Variants in PTPRR observed in about 807,000 individuals in gnomAD.
PTPRR encodes receptor-type tyrosine-protein phosphatase R.
Under a neutral mutation model 77.2 loss-of-function variants are expected in PTPRR, and 38 were observed. The observed-to-expected ratio is 0.49, with a 90% CI of 0.38 to 0.65. The LOEUF is 0.65. Among genes scored for constraint, PTPRR ranks in the 30% least tolerant of loss-of-function variants. The pLI is 0.00. For synonymous variants in PTPRR, 299 were observed against 283.1 expected (o/e 1.06, Z -0.57); for missense variants, 744 against 799.2 (o/e 0.93, Z 0.83).
chr12:70,829,036 C>T lies in PTPRR; in HGVS notation c.357+63643G>A, dbSNP rs1470517387. 3.3e-5 allele frequency among the ~76,000 whole-genome samples: 5 copies of T among 151,892 alleles called. No homozygotes were observed. The East Asian group carries it at 9.6e-4, about 29-fold the overall frequency. On this transcript the variant is annotated intron_variant, in intron 2 of 13. Coordinates refer to ENST00000283228, the MANE Select transcript of PTPRR (RefSeq NM_002849.4). The stretch of plus-strand genomic sequence containing the variant: ...GTACTCTAAACCTATGAATATAGTC[C>T]ACAGAGACTGTGGACTGTGATGGAG...
At chr12:70,683,485 T>C (rs943175562) in intron 10 of PTPRR, among the ~76,000 whole-genome samples, 2 of 152,126 alleles carry the variant, frequency 1.3e-5, no homozygotes, top group Non-Finnish European at 2.9e-5. Flanking sequence ...AGTTGATTGG[T>C]TTCTGTAACT....
intron 2 of PTPRR, among the ~76,000 whole-genome samples, chr12:70,811,940 C>T (rs1282057874): frequency 2.6e-5 from 4 of 152,178 alleles, no homozygotes; most frequent in Admixed American, 6.5e-5. Context: ...CTAGCACTGA[C>T]TGATAGTCAC....
intron 2 of PTPRR, among the ~76,000 whole-genome samples, chr12:70,835,243 T>C (rs942545308): frequency 6.6e-5 from 10 of 152,168 alleles, no homozygotes; most frequent in African/African-American, 2.4e-4. Flanking sequence ...ATGCCCTTTG[T>C]ATACTTAAAA....
At chr12:70,652,553 G>T (rs149151978) in intron 13 of PTPRR, among the ~76,000 whole-genome samples, 54 of 152,316 alleles carry the variant, frequency 3.5e-4, no homozygotes, top group African/African-American at 1.3e-3. Flanking sequence ...GAAGAAATCA[G>T]AATGATTTTG....
At chr12:70,899,272 A>G (rs891643846) in intron 1 of PTPRR, among the ~76,000 whole-genome samples, 4 of 151,470 alleles carry the variant, frequency 2.6e-5, no homozygotes, top group Non-Finnish European at 5.9e-5. Context: ...TCCTAAAAAA[A>G]AACACTATAG....
intron 2 of PTPRR, among the ~76,000 whole-genome samples, chr12:70,823,061 A>G (rs1311135943): frequency 7.0e-6 from 1 of 143,200 alleles, no homozygotes; most frequent in Non-Finnish European, 1.5e-5. Flanking sequence ...CAGCAACACA[A>G]AGTTCTCTCT....
chr12:70,808,111 G>C, intron 2 of PTPRR, among the ~76,000 whole-genome samples: 1 of 152,068 alleles, frequency 6.6e-6, no homozygotes, highest in Non-Finnish European at 1.5e-5. Flanking sequence ...GCCACCCTGG[G>C]AGTGTCTGCT....
chr12:70,672,894 G>A (rs1273696496), intron 10 of PTPRR: 3 of 1,550,540 alleles, frequency 1.9e-6, no homozygotes, highest in African/African-American at 2.7e-5. Flanking sequence ...CATAGGATGG[G>A]GGCATCTGCT....
intron 2 of PTPRR, among the ~76,000 whole-genome samples, chr12:70,798,007 T>C (rs1009479429): frequency 6.6e-6 from 1 of 152,220 alleles, no homozygotes; most frequent in Non-Finnish European, 1.5e-5. Context: ...CTGAGTTCCA[T>C]AGACTTTTAT....
At chr12:70,880,472 C>A (rs1282126743) in intron 2 of PTPRR, among the ~76,000 whole-genome samples, 3 of 152,062 alleles carry the variant, frequency 2.0e-5, no homozygotes, top group Non-Finnish European at 4.4e-5. Flanking sequence ...GTAAGGTAGT[C>A]CCCACTATTT....
chr12:70,666,908 C>T (rs531395468), intron 10 of PTPRR, among the ~76,000 whole-genome samples: 3 of 129,428 alleles, frequency 2.3e-5, no homozygotes, highest in Admixed American at 2.3e-4. Context: ...TCACATTGAC[C>T]ATTTTTGATT....
intron 6 of PTPRR, among the ~76,000 whole-genome samples, chr12:70,717,367 T>G (rs1032372432): frequency 2.0e-5 from 3 of 152,206 alleles, no homozygotes; most frequent in African/African-American, 4.8e-5. Context: ...TCTGTCATCT[T>G]AGCATATTAA....
At chr12:70,846,665 G>GC (rs1892488748) in intron 2 of PTPRR, among the ~76,000 whole-genome samples, 1 of 151,958 alleles carries the variant, frequency 6.6e-6, no homozygotes, top group Non-Finnish European at 1.5e-5. Context: ...GGGCTTGTTT[G>GC]CCCCCTTCCA....
intron 6 of PTPRR, among the ~76,000 whole-genome samples, chr12:70,713,452 CTT>C (rs1309435694): frequency 6.6e-6 from 1 of 151,988 alleles, no homozygotes; most frequent in Non-Finnish European, 1.5e-5. Context: ...CTACATTTAA[CTT>C]TTTGAGAAAC....
At chr12:70,806,152 C>G (rs574524494) in intron 2 of PTPRR, among the ~76,000 whole-genome samples, 6 of 152,266 alleles carry the variant, frequency 3.9e-5, no homozygotes, top group African/African-American at 1.4e-4. Context: ...GAAACTAGAG[C>G]ATTAGATCCA....
chr12:70,766,012 G>C (rs1038851414), intron 2 of PTPRR, among the ~76,000 whole-genome samples: 4 of 152,150 alleles, frequency 2.6e-5, no homozygotes, highest in Admixed American at 6.5e-5. Flanking sequence ...AAACCCATGT[G>C]CACATCACCA....
chr12:70,792,756 A>T (rs1192000248), intron 2 of PTPRR, among the ~76,000 whole-genome samples: 2 of 151,864 alleles, frequency 1.3e-5, no homozygotes, highest in African/African-American at 2.4e-5. Context: ...ATCAATTTAA[A>T]TTTTTTTTGC....
chr12:70,900,124 T>C (rs1033162505), intron 1 of PTPRR, among the ~76,000 whole-genome samples: 1 of 151,440 alleles, frequency 6.6e-6, no homozygotes, highest in East Asian at 1.9e-4. Flanking sequence ...AAAATATCAT[T>C]AGAATTTTTT....
At chr12:70,692,128 G>T (rs542011380) in intron 8 of PTPRR, among the ~76,000 whole-genome samples, 41 of 152,254 alleles carry the variant, frequency 2.7e-4, no homozygotes, top group Non-Finnish European at 3.7e-4. Context: ...TCTTTTTACT[G>T]CAGGACTTCT....
Sources: gnomAD v4.1 joint callset for allele counts (sites outside exome capture counted in the v4.1 genomes callset) on GRCh38, gnomAD v4.1.1 for gene constraint, MANE v1.5 for transcripts, NCBI Gene and HGNC (gene_info 2026-07-23, HGNC 2026-07-21) for gene names.